LUC7L: variants seen among roughly 807,000 people sequenced by gnomAD.
LUC7L encodes putative RNA-binding protein Luc7-like 1.
A neutral mutation model predicts 51.1 loss-of-function variants in LUC7L; 29 were observed. That is an observed-to-expected ratio of 0.57 (90% confidence interval 0.42 to 0.77). LUC7L has a LOEUF of 0.77. LUC7L is among the 30% of genes least tolerant of loss of function. The pLI is 0.00. For missense variants in LUC7L, 403 were observed against 511.9 expected, an observed-to-expected ratio of 0.79 and a Z score of 2.05; for synonymous variants, 181 against 180.7, an observed-to-expected ratio of 1.00 and a Z score of -0.01.
chr16:223,873 T>C (rs905247985), intron 2 of LUC7L, among the ~76,000 whole-genome samples: 2 of 151,954 alleles, frequency 1.3e-5, no homozygotes, highest in Non-Finnish European at 2.9e-5. Flanking sequence ...GTTTTCATCA[T>C]GTTGGCCAGG....
Position 218,317 on chromosome 16 carries a change from C to T in LUC7L, c.255+2332G>A, listed in dbSNP as rs149347983. 2.0e-5 allele frequency among the ~76,000 whole-genome samples: 3 copies of T among 152,270 alleles called. No homozygotes were observed. In the East Asian group the frequency reaches 5.8e-4, roughly 29 times the overall value. ...CCTCATCCCATGCTCAGTGCCTTCC[C>T]GGTCTTCACTCAAGAACCAGAATGG... On this transcript the variant is annotated intron_variant, in intron 3 of 9. Coordinates refer to ENST00000293872, the MANE Select transcript of LUC7L (RefSeq NM_201412.3).
chr16:200,117 G>A (rs544411298), intron 5 of LUC7L, among the ~76,000 whole-genome samples: 43 of 151,586 alleles, frequency 2.8e-4, no homozygotes, highest in Admixed American at 8.6e-4. Flanking sequence ...GCAAAACCCT[G>A]TCTCTACTAA....
At chr16:216,682 A>C (rs1378448215) in intron 3 of LUC7L, among the ~76,000 whole-genome samples, 4 of 152,036 alleles carry the variant, frequency 2.6e-5, no homozygotes, top group African/African-American at 4.8e-5. Flanking sequence ...GCCTGACCTA[A>C]TTATTTTAAT....
intron 2 of LUC7L, among the ~76,000 whole-genome samples, chr16:224,176 T>C (rs1216010739): frequency 1.3e-5 from 2 of 152,144 alleles, no homozygotes; most frequent in Non-Finnish European, 2.9e-5. Context: ...GAAGTACAAA[T>C]TGATTTCCAT....
chr16:189,743 G>A (rs1051479298), intron 9 of LUC7L: 7 of 1,384,598 alleles, frequency 5.1e-6, no homozygotes, highest in Admixed American at 3.0e-5. Flanking sequence ...GCCCCAGGAC[G>A]CAGGCAGGGG....
intron 6 of LUC7L, among the ~76,000 whole-genome samples, chr16:196,909 T>TA (rs1567174747): frequency 6.8e-6 from 1 of 146,216 alleles, no homozygotes. Flanking sequence ...TTTACATCTT[T>TA]TTTTTTTTTT....
At chr16:206,236 C>T in intron 4 of LUC7L, 89 bp from the exon 5 acceptor site, 1 of 1,311,860 alleles carries the variant, frequency 7.6e-7, no homozygotes, top group East Asian at 2.3e-5. Context: ...CATTTCCAGT[C>T]TGAAAATAAG....
At chr16:194,110 T>G (rs575005403) in intron 6 of LUC7L, among the ~76,000 whole-genome samples, 1 of 152,056 alleles carries the variant, frequency 6.6e-6, no homozygotes, top group South Asian at 2.1e-4. Context: ...GCCACTTTTT[T>G]TTTTTTGAAA....
intron 3 of LUC7L, among the ~76,000 whole-genome samples, chr16:213,003 A>G (rs1289020076): frequency 1.3e-5 from 2 of 152,114 alleles, no homozygotes. Flanking sequence ...GGCTCAAGCA[A>G]TCTTCCGGCC....
At chr16:193,667 G>A (rs1375906301) in intron 6 of LUC7L, among the ~76,000 whole-genome samples, 2 of 151,648 alleles carry the variant, frequency 1.3e-5, no homozygotes, top group Admixed American at 1.3e-4. Flanking sequence ...GCTAATTTTT[G>A]TATGTTTAGT....
chr16:202,838 G>C (rs1262764734), intron 5 of LUC7L, among the ~76,000 whole-genome samples: 3 of 152,122 alleles, frequency 2.0e-5, no homozygotes, highest in African/African-American at 7.2e-5. Context: ...CGATAAACTA[G>C]ATGAAATGGA....
intron 3 of LUC7L, among the ~76,000 whole-genome samples, chr16:215,870 C>A (rs1421394908): frequency 1.3e-5 from 2 of 151,982 alleles, no homozygotes; most frequent in Non-Finnish European, 2.9e-5. Context: ...CCACCACACC[C>A]AGCTAATTTT....
chr16:198,321 TAG>T (rs1351349593), intron 6 of LUC7L, among the ~76,000 whole-genome samples: 1 of 149,148 alleles, frequency 6.7e-6, no homozygotes, highest in Non-Finnish European at 1.5e-5. Context: ...TTAAATGTCT[TAG>T]AGTCTTGAAG....
intron 1 of LUC7L, chr16:228,553 G>T: frequency 8.3e-7 from 1 of 1,200,842 alleles, no homozygotes; most frequent in South Asian, 1.6e-5. Context: ...ACAGCCCTGA[G>T]AATGTGCCAG....
intron 3 of LUC7L, among the ~76,000 whole-genome samples, chr16:214,513 T>G (rs1163492149): frequency 6.6e-6 from 1 of 152,202 alleles, no homozygotes; most frequent in Non-Finnish European, 1.5e-5. Flanking sequence ...AATTTTGTCA[T>G]AAGTATCATT....
chr16:219,099 A>G (rs1361188752), intron 3 of LUC7L, among the ~76,000 whole-genome samples: 1 of 152,088 alleles, frequency 6.6e-6, no homozygotes, highest in Non-Finnish European at 1.5e-5. Context: ...ACCTGTCTCA[A>G]AAATAAATAG....
At chr16:200,426 A>C (rs1056812169) in intron 5 of LUC7L, among the ~76,000 whole-genome samples, 1 of 152,006 alleles carries the variant, frequency 6.6e-6, no homozygotes, top group African/African-American at 2.4e-5. Context: ...GAAAAAAAAA[A>C]AAAAAAAGCC....
At chr16:228,308 A>G in intron 1 of LUC7L, 1 of 1,304,072 alleles carries the variant, frequency 7.7e-7, no homozygotes, top group South Asian at 1.2e-5. Flanking sequence ...TTGTTATAAC[A>G]GCTTAGAAAT....
chr16:225,025 A>G (rs548282979), intron 2 of LUC7L, among the ~76,000 whole-genome samples: 1 of 152,204 alleles, frequency 6.6e-6, no homozygotes, highest in Admixed American at 6.5e-5. Context: ...CCCAACATCA[A>G]GCAGAGCTGA....
Sources: gnomAD v4.1 joint callset for allele counts (sites outside exome capture counted in the v4.1 genomes callset) on GRCh38, gnomAD v4.1.1 for gene constraint, MANE v1.5 for transcripts, NCBI Gene and HGNC (gene_info 2026-07-23, HGNC 2026-07-21) for gene names.